The following HPS5 variants were observed in gnomAD, a reference collection of about 807,000 sequenced individuals.
HPS5 encodes BLOC-2 complex member HPS5.
A neutral mutation model predicts 128.0 loss-of-function variants in HPS5; 83 were observed. That is an observed-to-expected ratio of 0.65 (90% CI 0.54 to 0.78). The LOEUF is 0.78. HPS5 is among the 30% of genes least tolerant of loss of function. HPS5 has a pLI of 0.00. For synonymous variants in HPS5, 475 were observed against 470.2 expected (o/e 1.01, Z -0.13); for missense variants, 1,281 against 1,326.2 (o/e 0.97, Z 0.53).
Position 18,298,916 on chromosome 11 carries a change from C to T in HPS5, c.1040G>A (p.Gly347Glu), listed in dbSNP as rs1331063664. ...TATCAGGGAGAGATGTGAGACTTTCCCATTTAGGTGCAAACAGAACAATTC... is the reference window on the plus strand; with the variant it reads ...TATCAGGGAGAGATGTGAGACTTTCTCATTTAGGTGCAAACAGAACAATTC... The part of the protein sequence containing the change: ...RNELFCLHLN[G>E]KVSHLSLISV... The change falls in exon 10 of 23, where the codon GGG (glycine) becomes GAG (glutamate). Residue 347 changes from glycine (G) to glutamate (E), a missense_variant. Coordinates refer to ENST00000349215, the MANE Select transcript of HPS5 (RefSeq NM_181507.2). The T allele has an allele frequency of 6.2e-7, 1 of 1,614,156 alleles. No homozygotes were observed.
chr11:18,286,096 C>A (rs1859676566), intron 19 of HPS5, among the ~76,000 whole-genome samples: 1 of 152,146 alleles, frequency 6.6e-6, no homozygotes, highest in South Asian at 2.1e-4. Flanking sequence ...AGGGTGACCC[C>A]AAAAAATTTC....
At chr11:18,282,854 G>A (rs73430843) in intron 21 of HPS5, among the ~76,000 whole-genome samples, 4,909 of 152,240 alleles carry the variant, frequency 0.032, 261 homozygotes, top group African/African-American at 0.11. Flanking sequence ...TAAAAGATGA[G>A]ACAAGCTTAG....
intron 4 of HPS5, among the ~76,000 whole-genome samples, 159 bp downstream of exon 4, chr11:18,311,228 G>C (rs1862945811): frequency 6.6e-6 from 1 of 152,082 alleles, no homozygotes; most frequent in Non-Finnish European, 1.5e-5. Flanking sequence ...GTCCATTCTG[G>C]TTTGCTGGGT....
intron 2 of HPS5, among the ~76,000 whole-genome samples, chr11:18,316,164 G>A (rs189183516): frequency 1.3e-5 from 2 of 152,176 alleles, no homozygotes; most frequent in Admixed American, 6.5e-5. Flanking sequence ...GCATGGTATC[G>A]AGTATGTTTA....
At chr11:18,294,913 C>A in intron 14 of HPS5, 107 bp downstream of exon 14, 3 of 1,151,750 alleles carry the variant, frequency 2.6e-6, no homozygotes, top group Non-Finnish European at 3.9e-6. Flanking sequence ...CGTCCTGGAA[C>A]ACATGAGGCC....
At chr11:18,283,386 A>ACCCCAGCT in intron 21 of HPS5, among the ~76,000 whole-genome samples, 1 of 151,870 alleles carries the variant, frequency 6.6e-6, no homozygotes, top group Non-Finnish European at 1.5e-5. Flanking sequence ...CTTGGTCTGA[A>ACCCCAGCT]CCCCAGCTCC....
At chr11:18,285,264 A>T (rs1208553693) in intron 20 of HPS5, 82 bp downstream of exon 20, 1 of 824,760 alleles carries the variant, frequency 1.2e-6, no homozygotes, top group Non-Finnish European at 2.1e-6. Flanking sequence ...ATTAATGTGT[A>T]TTAATTCAGA....
chr11:18,318,011 T>C (rs1863850039), intron 1 of HPS5, 104 bp from the exon 2 acceptor site: 1 of 799,188 alleles, frequency 1.3e-6, no homozygotes, highest in East Asian at 2.7e-5. Context: ...AAGTCCCCAC[T>C]ATACAGGGAC....
In HPS5 at chr11:18,283,861, T is replaced by C. The variant is rs1215249472; in HGVS notation, c.2992A>G (p.Arg998Gly). ...GYLILCLELE[R>G]RREAFTNIVY... ...ATATTGGTGAAGGCCTCTCTTCTTCTCTCCAGCTCCAAACAGAGAATTAGA... is the reference window on the plus strand; with the variant it reads ...ATATTGGTGAAGGCCTCTCTTCTTCCCTCCAGCTCCAAACAGAGAATTAGA... Residue 998 changes from arginine to glycine, a missense_variant, in exon 21 of 23, where the codon AGA (arginine) becomes GGA (glycine). Coordinates refer to ENST00000349215, the MANE Select transcript of HPS5 (RefSeq NM_181507.2). The C allele has an allele frequency of 4.3e-6, 7 of 1,613,404 alleles. No individual in the cohort carries two copies. Among genetic ancestry groups the C allele is most frequent in the Non-Finnish European group, 5.1e-6 (6 of 1,179,642 alleles).
At chr11:18,315,357 T>C (rs1863490273) in intron 2 of HPS5, among the ~76,000 whole-genome samples, 1 of 152,194 alleles carries the variant, frequency 6.6e-6, no homozygotes, top group African/African-American at 2.4e-5. Context: ...GGCTCATGCC[T>C]GTAATCCCAG....
At chr11:18,286,996 A>G (rs11821169) in intron 18 of HPS5, 17 of 597,362 alleles carry the variant, frequency 2.8e-5, no homozygotes, top group African/African-American at 1.1e-4. Flanking sequence ...CACTGAGGCC[A>G]TAAGTTTGAG....
rs1185842548 is a variant in HPS5, at chr11:18,291,901, C to T, written c.1981G>A (p.Asp661Asn). 3.1e-6 allele frequency: 5 copies of T among 1,607,596 alleles called. No individual in the cohort carries two copies. The African/African-American group carries it at 6.7e-5, about 22-fold the overall frequency. ...FAMKDFSGVSDTDNSSMKLNQ... is the reference protein window; with the variant it reads ...FAMKDFSGVSNTDNSSMKLNQ... ...AATTTCATGGATGAGTTGTCAGTATCTGAAACACCTGAAAAGTCCTTCATG... is the reference window on the plus strand; with the variant it reads ...AATTTCATGGATGAGTTGTCAGTATTTGAAACACCTGAAAAGTCCTTCATG... Residue 661 changes from aspartate (D) to asparagine (N), a missense_variant, in exon 16 of 23, where the codon GAT becomes AAT. Transcript: ENST00000349215.
intron 1 of HPS5, among the ~76,000 whole-genome samples, chr11:18,320,214 CT>C (rs1292245654): frequency 6.6e-6 from 1 of 152,192 alleles, no homozygotes; most frequent in Non-Finnish European, 1.5e-5. Context: ...CAACTTTATA[CT>C]TTATGTTTAC....
chr11:18,283,323 G>A (rs1390264326), intron 21 of HPS5, among the ~76,000 whole-genome samples: 2 of 137,630 alleles, frequency 1.5e-5, no homozygotes, highest in Non-Finnish European at 3.2e-5. Flanking sequence ...TAATTAATGG[G>A]AAATTAAAAA....
chr11:18,285,532 G>GTT (rs1281744976), intron 19 of HPS5, 73 bp from the exon 20 acceptor site: 3 of 1,007,456 alleles, frequency 3.0e-6, no homozygotes, highest in African/African-American at 1.6e-5. Context: ...TCACCTAATA[G>GTT]GTAAGAATAG....
intron 16 of HPS5, among the ~76,000 whole-genome samples, chr11:18,290,784 A>C (rs1347842119): frequency 6.6e-6 from 1 of 152,208 alleles, no homozygotes; most frequent in Non-Finnish European, 1.5e-5. Context: ...ATCAGAGGGT[A>C]CAGTGGCACA....
At chr11:18,280,012 A>G in intron 22 of HPS5, 70 bp from the exon 23 acceptor site, 1 of 1,478,498 alleles carries the variant, frequency 6.8e-7, no homozygotes, top group South Asian at 1.1e-5. Flanking sequence ...AAACTTAAAA[A>G]CTACAGAGTT....
intron 20 of HPS5, 125 bp from the exon 21 acceptor site, chr11:18,284,026 A>G (rs1590048366): frequency 1.5e-6 from 1 of 687,806 alleles, no homozygotes; most frequent in Non-Finnish European, 2.5e-6. Flanking sequence ...AAAGTAAATA[A>G]CATCTGAAAG....
intron 16 of HPS5, among the ~76,000 whole-genome samples, chr11:18,288,250 G>A (rs1859986066): frequency 6.6e-6 from 1 of 152,138 alleles, no homozygotes; most frequent in Admixed American, 6.5e-5. Flanking sequence ...TTTTAAATAA[G>A]ACGAAGGAAC....
Sources: gnomAD v4.1 joint callset for allele counts (sites outside exome capture counted in the v4.1 genomes callset) on GRCh38, gnomAD v4.1.1 for gene constraint, MANE v1.5 for transcripts, NCBI Gene and HGNC (gene_info 2026-07-23, HGNC 2026-07-21) for gene names.